Variants in CTNNA3 observed in about 807,000 individuals in gnomAD.
The protein encoded by CTNNA3 is catenin alpha-3.
A neutral mutation model predicts 95.7 loss-of-function variants in CTNNA3; 76 were observed. The ratio of observed to expected loss-of-function variants is 0.79; its 90% CI spans 0.66 to 0.96. The LOEUF (loss-of-function observed/expected upper bound fraction) is 0.96. Among genes scored for constraint, CTNNA3 ranks in the 40% least tolerant of loss-of-function variants. The probability of loss-of-function intolerance (pLI) is 0.00; values close to 1 mark genes in which losing one functional copy is unlikely to be tolerated. For missense variants in CTNNA3, 1,191 were observed against 1,089.8 expected (o/e 1.09, Z -1.31); for synonymous variants, 431 against 374.4 (o/e 1.15, Z -1.74).
At chr10:67,514,977 G>C (rs1008576759) in intron 5 of CTNNA3, among the ~76,000 whole-genome samples, 3 of 152,066 alleles carry the variant, frequency 2.0e-5, no homozygotes, top group Admixed American at 6.6e-5. Flanking sequence ...AGAGACAACA[G>C]ACGGAAACAG....
At chr10:66,845,780 C>T (rs1302735879) in intron 7 of CTNNA3, among the ~76,000 whole-genome samples, 20 of 130,848 alleles carry the variant, frequency 1.5e-4, no homozygotes, top group South Asian at 2.6e-4. Context: ...CACACACACA[C>T]ATATATATGT....
intron 5 of CTNNA3, among the ~76,000 whole-genome samples, chr10:67,350,323 G>A (rs1014764712): frequency 3.9e-5 from 6 of 151,992 alleles, no homozygotes; most frequent in Non-Finnish European, 7.4e-5. Context: ...TAGAAAGACT[G>A]GATTGCTGGG....
At chr10:67,328,091 C>T (rs988947220) in intron 5 of CTNNA3, among the ~76,000 whole-genome samples, 1 of 151,822 alleles carries the variant, frequency 6.6e-6, no homozygotes, top group South Asian at 2.1e-4. Context: ...GACTGCACAC[C>T]CAAATGCTGA....
chr10:67,324,891 G>A (rs963097867), intron 5 of CTNNA3, among the ~76,000 whole-genome samples: 2 of 151,916 alleles, frequency 1.3e-5, no homozygotes, highest in Admixed American at 1.3e-4. Flanking sequence ...TGATTGATAG[G>A]CTATTTATTA....
intron 5 of CTNNA3, among the ~76,000 whole-genome samples, chr10:67,364,845 G>A (rs1843145746): frequency 6.6e-6 from 1 of 152,108 alleles, no homozygotes; most frequent in African/African-American, 2.4e-5. Flanking sequence ...AGCTACCACT[G>A]ACTTTCTTCA....
At chr10:66,063,306 C>A (rs115320953) in intron 15 of CTNNA3, among the ~76,000 whole-genome samples, 17,953 of 134,952 alleles carry the variant, frequency 0.13, 1,137 homozygotes, top group Non-Finnish European at 0.16. Flanking sequence ...ATCTCTCTCT[C>A]TATATATATA....
intron 7 of CTNNA3, chr10:66,925,933 T>C (rs1252487268): frequency 2.3e-6 from 1 of 443,300 alleles, no homozygotes; most frequent in South Asian, 1.6e-5. Context: ...GCAGAGAGCC[T>C]GCTCATTTGC....
intron 7 of CTNNA3, among the ~76,000 whole-genome samples, chr10:66,953,123 C>T (rs955554229): frequency 6.6e-6 from 1 of 152,112 alleles, no homozygotes; most frequent in Non-Finnish European, 1.5e-5. Flanking sequence ...GGTCTGACCT[C>T]GGTTATCTTA....
intron 5 of CTNNA3, among the ~76,000 whole-genome samples, chr10:67,485,795 C>A (rs1848423552): frequency 6.6e-6 from 1 of 152,198 alleles, no homozygotes; most frequent in South Asian, 2.1e-4. Context: ...ACCTAAAAGG[C>A]CTCAGCTTTG....
At chr10:66,528,633 G>A (rs1485405888) in intron 10 of CTNNA3, among the ~76,000 whole-genome samples, 1 of 152,134 alleles carries the variant, frequency 6.6e-6, no homozygotes, top group Non-Finnish European at 1.5e-5. Flanking sequence ...TTTAGTTTGT[G>A]TTTAGTGGGT....
At chr10:67,603,122 G>A (rs1843141660) in intron 3 of CTNNA3, among the ~76,000 whole-genome samples, 1 of 152,154 alleles carries the variant, frequency 6.6e-6, no homozygotes. Context: ...GAGGTGCTCA[G>A]TCTGTAAGGA....
intron 16 of CTNNA3, among the ~76,000 whole-genome samples, chr10:65,985,716 A>G (rs1390478114): frequency 1.3e-5 from 2 of 151,576 alleles, no homozygotes; most frequent in Non-Finnish European, 3.0e-5. Context: ...GATCTGAAAC[A>G]AGACAAGGCT....
chr10:66,263,187 A>G (rs2091056514), intron 13 of CTNNA3, among the ~76,000 whole-genome samples: 1 of 151,990 alleles, frequency 6.6e-6, no homozygotes, highest in African/African-American at 2.4e-5. Context: ...CAGCAGGGGG[A>G]AGCATTCTGC....
chr10:67,301,816 A>C (rs1185246350), intron 5 of CTNNA3, among the ~76,000 whole-genome samples: 2 of 152,048 alleles, frequency 1.3e-5, no homozygotes, highest in Non-Finnish European at 2.9e-5. Flanking sequence ...AAAATACACA[A>C]AAATTAGCTG....
chr10:66,903,211 G>A (rs995120618), intron 7 of CTNNA3, among the ~76,000 whole-genome samples: 1 of 152,134 alleles, frequency 6.6e-6, no homozygotes, highest in African/African-American at 2.4e-5. Flanking sequence ...TGAGATTCAA[G>A]GCTGGTTCAA....
At chr10:66,508,198 G>T (rs149160001) in intron 11 of CTNNA3, among the ~76,000 whole-genome samples, 97 of 106,060 alleles carry the variant, frequency 9.1e-4, no homozygotes, top group East Asian at 1.2e-3. Flanking sequence ...TTTTTGTTTT[G>T]TTTTGTTTTC....
At chr10:67,375,781 C>T (rs921470248) in intron 5 of CTNNA3, among the ~76,000 whole-genome samples, 1 of 152,094 alleles carries the variant, frequency 6.6e-6, no homozygotes, top group Non-Finnish European at 1.5e-5. Flanking sequence ...GCTAACAAAA[C>T]CTGAAATAAA....
intron 9 of CTNNA3, among the ~76,000 whole-genome samples, chr10:66,693,317 T>A (rs1291226368): frequency 2.1e-5 from 3 of 146,264 alleles, no homozygotes; most frequent in African/African-American, 7.9e-5. Context: ...AATCCTAGTC[T>A]CTGATAAAAC....
intron 14 of CTNNA3, among the ~76,000 whole-genome samples, chr10:66,094,873 A>G (rs1288856972): frequency 6.6e-6 from 1 of 152,160 alleles, no homozygotes; most frequent in African/African-American, 2.4e-5. Flanking sequence ...TTCAGAAAAT[A>G]CTTAGAAGAG....
Sources: allele counts gnomAD v4.1 joint callset (sites outside exome capture counted in the v4.1 genomes callset), GRCh38; gene constraint gnomAD v4.1.1; transcripts MANE v1.5; gene names NCBI Gene and HGNC (gene_info 2026-07-23, HGNC 2026-07-21).